Variants in TIMM23 observed in about 807,000 individuals in gnomAD.
TIMM23 encodes the protein translocase of inner mitochondrial membrane 23.
A neutral mutation model predicts 30.7 loss-of-function variants in TIMM23; 19 were observed. The observed-to-expected ratio is 0.62, with a 90% CI of 0.43 to 0.91. TIMM23 has a LOEUF of 0.91. TIMM23 is among the 40% of genes least tolerant of loss of function. The probability of loss-of-function intolerance (pLI) is 0.00; values close to 1 mark genes in which losing one functional copy is unlikely to be tolerated. For synonymous variants in TIMM23, 78 were observed against 98.5 expected, an observed-to-expected ratio of 0.79 and a Z score of 1.23; for missense variants, 202 against 269.2, an observed-to-expected ratio of 0.75 and a Z score of 1.75.
At chr10:45,984,343 TCTC>T (rs1373195208) in intron 4 of TIMM23, among the ~76,000 whole-genome samples, 2 of 152,098 alleles carry the variant, frequency 1.3e-5, no homozygotes, top group South Asian at 2.1e-4. Context: ...TGGAAGTAGA[TCTC>T]CTAGAAAAGA....
intron 1 of TIMM23, 62 bp from the exon 2 acceptor site, chr10:45,975,392 T>C: frequency 6.3e-7 from 1 of 1,581,504 alleles, no homozygotes; most frequent in Non-Finnish European, 8.7e-7. Flanking sequence ...GGAGCTGGAT[T>C]AACTCTAACT....
At chr10:45,999,436 T>G (rs1489261472) in intron 6 of TIMM23, among the ~76,000 whole-genome samples, 2 of 152,106 alleles carry the variant, frequency 1.3e-5, no homozygotes, top group Non-Finnish European at 1.5e-5. Context: ...AGAGAGAAAT[T>G]TTAAAGCTGG....
At chr10:45,987,641 G>A (rs1220007204) in intron 5 of TIMM23, among the ~76,000 whole-genome samples, 1 of 46,862 alleles carries the variant, frequency 2.1e-5, no homozygotes. Flanking sequence ...TTTTTTTTTT[G>A]AGACAGGGTC....
intron 6 of TIMM23, among the ~76,000 whole-genome samples, chr10:46,001,155 G>T (rs1838521083): frequency 6.6e-6 from 1 of 152,130 alleles, no homozygotes; most frequent in Non-Finnish European, 1.5e-5. Context: ...TTATTAAACT[G>T]AACAGATTAT....
chr10:45,985,682 A>G (rs1159271768), intron 5 of TIMM23, among the ~76,000 whole-genome samples: 1 of 152,132 alleles, frequency 6.6e-6, no homozygotes, highest in Non-Finnish European at 1.5e-5. Context: ...GACACTGCAC[A>G]CTCTCCTTTC....
At chr10:45,974,953 T>G (rs1837622067) in intron 1 of TIMM23, among the ~76,000 whole-genome samples, 1 of 151,850 alleles carries the variant, frequency 6.6e-6, no homozygotes, top group African/African-American at 2.4e-5. Flanking sequence ...GACCCAAGGA[T>G]TCTCAACCTT....
intron 2 of TIMM23, among the ~76,000 whole-genome samples, chr10:45,980,967 T>C (rs1405718152): frequency 7.0e-6 from 1 of 143,342 alleles, no homozygotes; most frequent in Admixed American, 7.1e-5. Flanking sequence ...GGAGATGGAG[T>C]CTCGCTCTGT....
At chr10:45,973,713 A>C (rs1837574034) in intron 1 of TIMM23, among the ~76,000 whole-genome samples, 1 of 152,074 alleles carries the variant, frequency 6.6e-6, no homozygotes, top group Non-Finnish European at 1.5e-5. Flanking sequence ...GCATGATTAT[A>C]GTTCACTGAA....
chr10:45,996,221 G>A (rs1431912550), intron 6 of TIMM23, among the ~76,000 whole-genome samples: 3 of 143,610 alleles, frequency 2.1e-5, no homozygotes, highest in African/African-American at 8.4e-5. Flanking sequence ...CATTATCCGG[G>A]CATGGTGGTG....
chr10:45,994,326 G>A (rs1353185369), intron 6 of TIMM23, among the ~76,000 whole-genome samples: 4 of 151,644 alleles, frequency 2.6e-5, no homozygotes, highest in Non-Finnish European at 4.4e-5. Flanking sequence ...GCAGCTGAGC[G>A]AAACTCTGTC....
In TIMM23 at chr10:45,996,333, G is replaced by T. The variant is rs1554916714; in HGVS notation, c.515-6870G>T. 1.5e-4 allele frequency among the ~76,000 whole-genome samples: 22 copies of T among 146,928 alleles called. No homozygotes were observed. In the East Asian group the frequency reaches 3.5e-3, roughly 24 times the overall value. On this transcript the variant is annotated intron_variant, in intron 6 of 6. Transcript: ENST00000580018. ...GCCGAGATTACACCACTGCACTCCA[G>T]CCTGGGCCACAGAGCAAGACTCCGT...
intron 2 of TIMM23, among the ~76,000 whole-genome samples, chr10:45,980,671 A>G (rs1314958235): frequency 6.6e-6 from 1 of 152,168 alleles, no homozygotes; most frequent in African/African-American, 2.4e-5. Flanking sequence ...CATGTCAGCA[A>G]GCTCTGGTAC....
In TIMM23 at chr10:45,988,650, G is replaced by A; in HGVS notation, c.404-87G>A. The A allele has an allele frequency of 4.5e-6, 4 of 882,908 alleles. No individual in the cohort carries two copies. In the Admixed American group the frequency reaches 5.3e-5, roughly 12 times the overall value. 54.7% of individuals were successfully genotyped at this position (882,908 alleles called of 1,614,324 possible). The stretch of plus-strand genomic sequence containing the variant: ...AAGGGCTATGGGAGTTATGAGCTAG[G>A]AACCATGGATGAAAACCAATATATG... On this transcript the variant is annotated intron_variant, in intron 5 of 6. Coordinates refer to ENST00000580018, the MANE Select transcript of TIMM23 (RefSeq NM_006327.4).
At position 45,973,475 on chromosome 10, in the gene TIMM23, C is replaced by T. The variant is rs868917704; in HGVS notation, c.106+745C>T. ...GATAAAGCCTTTACGAAAGTACTTT[C>T]TTTTTAGAGAATCCTTGTAATATTT... On this transcript the variant is annotated intron_variant, in intron 1 of 6. Transcript: ENST00000580018. Among the ~76,000 whole-genome samples, 46 of 152,214 alleles carry T rather than the reference C, an allele frequency of 3.0e-4. No homozygotes were observed. The South Asian group carries it at 4.4e-3, about 14-fold the overall frequency.
At chr10:45,975,890 C>T (rs1554912999) in intron 2 of TIMM23, among the ~76,000 whole-genome samples, 84,455 of 151,854 alleles carry the variant, frequency 0.56, 23,832 homozygotes, top group Admixed American at 0.65. Context: ...CAACCTCAGC[C>T]TCCCAAATTC....
At chr10:45,974,994 T>C (rs1837623829) in intron 1 of TIMM23, among the ~76,000 whole-genome samples, 1 of 151,954 alleles carries the variant, frequency 6.6e-6, no homozygotes, top group South Asian at 2.1e-4. Flanking sequence ...AATAGTAATA[T>C]GTGAAGGAAC....
chr10:45,992,602 G>C, intron 6 of TIMM23: 1 of 431,736 alleles, frequency 2.3e-6, no homozygotes, highest in Non-Finnish European at 4.5e-6. Flanking sequence ...TCTGTCGCCA[G>C]GCTGCAGTGC....
intron 2 of TIMM23, among the ~76,000 whole-genome samples, chr10:45,977,199 A>C (rs1284695648): frequency 6.7e-6 from 1 of 149,232 alleles, no homozygotes; most frequent in Non-Finnish European, 1.5e-5. Flanking sequence ...TGCCTGTCAA[A>C]ATCCCAGCTG....
intron 1 of TIMM23, among the ~76,000 whole-genome samples, chr10:45,973,019 G>A (rs1554912150): frequency 6.6e-6 from 1 of 152,124 alleles, no homozygotes; most frequent in Admixed American, 6.5e-5. Context: ...TGTGTGGTGG[G>A]CCGTGTGATT....
Sources: gnomAD v4.1 joint callset for allele counts (sites outside exome capture counted in the v4.1 genomes callset) on GRCh38, gnomAD v4.1.1 for gene constraint, MANE v1.5 for transcripts, NCBI Gene and HGNC (gene_info 2026-07-23, HGNC 2026-07-21) for gene names.